Variants in TRAFD1 observed in about 807,000 individuals in gnomAD.
The protein encoded by TRAFD1 is TRAF-type zinc finger domain-containing protein 1.
A neutral mutation model predicts 65.3 loss-of-function variants in TRAFD1; 38 were observed. The observed-to-expected ratio is 0.58, with a 90% CI of 0.45 to 0.76. The LOEUF is 0.76. TRAFD1 is among the 30% of genes least tolerant of loss of function. The probability of loss-of-function intolerance (pLI) is 0.00; values close to 1 mark genes in which losing one functional copy is unlikely to be tolerated. For missense variants in TRAFD1, 631 were observed against 712.6 expected (o/e 0.89, Z 1.30); for synonymous variants, 223 against 257.2 (o/e 0.87, Z 1.27).
At position 112,153,076 on chromosome 12, in the gene TRAFD1, A is replaced by G; in HGVS notation, c.*285A>G. The G allele has an allele frequency of 2.6e-6, 1 of 378,322 alleles. No individual in the cohort carries two copies. The highest frequency in any genetic ancestry group is 4.0e-5 in the South Asian group (1 of 25,142). 23.4% of individuals were successfully genotyped at this position (378,322 alleles called of 1,614,324 possible). On this transcript the variant is annotated 3_prime_UTR_variant, in exon 12 of 12. Coordinates refer to ENST00000412615, the MANE Select transcript of TRAFD1 (RefSeq NM_006700.3). ...GGCTGCCAGGGCTCCCTTTTGACTTATTGTCGCCACTGCCCCTTGGTGCTG... is the reference window on the plus strand; with the variant it reads ...GGCTGCCAGGGCTCCCTTTTGACTTGTTGTCGCCACTGCCCCTTGGTGCTG...
intron 4 of TRAFD1, 43 bp from the exon 5 acceptor site, chr12:112,140,775 CT>C: frequency 1.2e-6 from 2 of 1,603,480 alleles, no homozygotes; most frequent in Non-Finnish European, 1.7e-6. Flanking sequence ...AAACACACCT[CT>C]CCTAGATATG....
chr12:112,139,293 T>A (rs1350518243), intron 4 of TRAFD1, among the ~76,000 whole-genome samples: 1 of 152,022 alleles, frequency 6.6e-6, no homozygotes, highest in Admixed American at 6.6e-5. Flanking sequence ...AAGGCTGCGG[T>A]AAGCCATGAT....
At chr12:112,148,791 T>A (rs1446663293) in intron 8 of TRAFD1, among the ~76,000 whole-genome samples, 1 of 152,234 alleles carries the variant, frequency 6.6e-6, no homozygotes, top group African/African-American at 2.4e-5. Flanking sequence ...AATCTATTAG[T>A]GGAAAATATG....
At chr12:112,127,115 T>C (rs753262532) in intron 1 of TRAFD1, among the ~76,000 whole-genome samples, 23 of 152,180 alleles carry the variant, frequency 1.5e-4, no homozygotes, top group Non-Finnish European at 3.2e-4. Flanking sequence ...GCCTTTACTT[T>C]CTCTTTCATT....
Position 112,152,918 on chromosome 12 carries a change from A to G in TRAFD1, c.*127A>G. The G allele has an allele frequency of 9.1e-7, 1 of 1,097,216 alleles. No homozygotes were observed. Among genetic ancestry groups the G allele is most frequent in the Non-Finnish European group, 1.3e-6 (1 of 768,144 alleles). The allele number at this position is 1,097,216 out of a possible 1,614,324, so 68.0% of individuals were successfully genotyped here. A position where few individuals can be genotyped will look rare whatever the true frequency, so the allele number is the denominator to read the frequency against. ...TCCAGATTTTAGATTTTTCTAGGTTATGGCCATTTTGTGTCTTTTGAGGTT... is the reference window on the plus strand; with the variant it reads ...TCCAGATTTTAGATTTTTCTAGGTTGTGGCCATTTTGTGTCTTTTGAGGTT... On this transcript the variant is annotated 3_prime_UTR_variant, in exon 12 of 12. Coordinates refer to ENST00000412615, the MANE Select transcript of TRAFD1 (RefSeq NM_006700.3). The surrounding 1 kb of genome is among the most constrained non-coding windows in gnomAD (Gnocchi z 5.0).
In TRAFD1 at chr12:112,148,226, C is replaced by T. The variant is rs1417677156; in HGVS notation, c.1080C>T (p.His360=). Residue 360 remains histidine, a synonymous_variant, in exon 8 of 12, where the codon CAC becomes CAT. Transcript: ENST00000412615. The part of the protein sequence containing the change: ...LDSLMGLSNS[H]PVEESIIIPC... ...CTTTGATGGGCCTGAGCAATTCACA[C>T]CCTGTGGAGGAGAGCATCATTATCC... 5.6e-6 allele frequency: 9 copies of T among 1,614,152 alleles called. No individual in the cohort carries two copies. The highest frequency in any genetic ancestry group is 7.6e-6 in the Non-Finnish European group (9 of 1,180,026).
At chr12:112,139,464 C>T (rs914122702) in intron 4 of TRAFD1, among the ~76,000 whole-genome samples, 2 of 151,430 alleles carry the variant, frequency 1.3e-5, no homozygotes, top group African/African-American at 4.9e-5. Context: ...CACTCTGTCA[C>T]CTAGGCTGGA....
At chr12:112,140,538 T>C (rs2030058203) in intron 4 of TRAFD1, among the ~76,000 whole-genome samples, 1 of 152,188 alleles carries the variant, frequency 6.6e-6, no homozygotes. Context: ...CTTCTCTGGC[T>C]GGTTTTAGAT....
In TRAFD1 at chr12:112,130,441, T is replaced by G. The variant is rs2079562185; in HGVS notation, c.-12-70T>G. ...AGTTTCTGTATACTAGTTTTTTATT[T>G]GTTTTTTTGCATGTCATCTTTAAAG... On this transcript the variant is annotated intron_variant, in intron 1 of 11. Transcript: ENST00000412615. This position sits in a 1 kb window ranked among gnomAD's most constrained non-coding sequence, Gnocchi z 4.4. 7.7e-7 allele frequency: 1 copy of G among 1,307,166 alleles called. No homozygotes were observed. The highest frequency in any genetic ancestry group is 1.1e-6 in the Non-Finnish European group (1 of 913,858). 81.0% of individuals were successfully genotyped at this position (1,307,166 alleles called of 1,614,324 possible).
Position 112,130,680 on chromosome 12 carries a change from G to T in TRAFD1, c.47+111G>T. ...GAAGACTGGCACAGTCTTGAGTTAA[G>T]CTTTCTATTTTGGTGTTTATAACCC... On this transcript the variant is annotated intron_variant, in intron 2 of 11. Transcript: ENST00000412615. This position sits in a 1 kb window ranked among gnomAD's most constrained non-coding sequence, Gnocchi z 4.4. 1.1e-6 allele frequency: 1 copy of T among 879,050 alleles called. No individual in the cohort carries two copies. The highest frequency in any genetic ancestry group is 2.6e-5 in the Admixed American group (1 of 38,862). The allele number at this position is 879,050 out of a possible 1,614,324, so 54.5% of individuals were successfully genotyped here.
chr12:112,135,377 A>G (rs958756138), intron 4 of TRAFD1, among the ~76,000 whole-genome samples: 1 of 152,202 alleles, frequency 6.6e-6, no homozygotes, highest in Admixed American at 6.5e-5. Flanking sequence ...CCAGTATGGG[A>G]TAACCTCTTT....
intron 1 of TRAFD1, among the ~76,000 whole-genome samples, chr12:112,128,022 T>A (rs1208385280): frequency 6.7e-6 from 1 of 150,148 alleles, no homozygotes; most frequent in African/African-American, 2.5e-5. Context: ...GTCCTTTTTT[T>A]TTTTATTTTT....
chr12:112,148,550 C>G (rs544889577), intron 8 of TRAFD1, among the ~76,000 whole-genome samples: 8 of 152,292 alleles, frequency 5.3e-5, no homozygotes, highest in Non-Finnish European at 1.0e-4. Flanking sequence ...AGCCAGGACT[C>G]TATTTGAGCA....
intron 4 of TRAFD1, among the ~76,000 whole-genome samples, chr12:112,139,910 A>G (rs1186554959): frequency 1.3e-5 from 2 of 152,106 alleles, no homozygotes; most frequent in African/African-American, 4.8e-5. Flanking sequence ...GCTGAGGCAC[A>G]AGGATTGCTT....
chr12:112,125,953 C>T (rs1280944918), intron 1 of TRAFD1: 1 of 152,214 alleles, frequency 6.6e-6, no homozygotes, highest in Non-Finnish European at 1.5e-5. Flanking sequence ...GCCTAGAGTC[C>T]GAGCCTCGAG....
At position 112,130,771 on chromosome 12, in the gene TRAFD1, A is replaced by G. The variant is rs2079563518; in HGVS notation, c.47+202A>G. The stretch of plus-strand genomic sequence containing the variant: ...GAAACCGGTTGTAAAGTTAATAATC[A>G]GCTGGTTCCTGTTGGGGTTTTCCTA... On this transcript the variant is annotated intron_variant, in intron 2 of 11. Transcript: ENST00000412615. The surrounding 1 kb of genome is among the most constrained non-coding windows in gnomAD (Gnocchi z 4.4). Among the ~76,000 whole-genome samples, 1 of 152,224 alleles carries G rather than the reference A, an allele frequency of 6.6e-6. No homozygotes were observed. Among genetic ancestry groups the G allele is most frequent in the Non-Finnish European group, 1.5e-5 (1 of 68,042 alleles).
rs573847480 is a variant in TRAFD1, at chr12:112,146,808, G to A, written c.927+1146G>A. 1.2e-4 allele frequency among the ~76,000 whole-genome samples: 19 copies of A among 152,198 alleles called. No individual in the cohort carries two copies. The South Asian group carries it at 3.7e-3, about 30-fold the overall frequency. ...TGGTCTTCTGATCTCCTGTTGGTCT[G>A]CACCACTAGGCTGATTTCCCTGAGG... On this transcript the variant is annotated intron_variant, in intron 7 of 11. Transcript: ENST00000412615.
At chr12:112,129,193 ATTTTTT>A (rs56949881) in intron 1 of TRAFD1, among the ~76,000 whole-genome samples, 5 of 81,360 alleles carry the variant, frequency 6.1e-5, no homozygotes, top group Admixed American at 1.5e-4. Context: ...TGGGATGGTG[ATTTTTT>A]TTTTTTTTTT....
Position 112,141,268 on chromosome 12 carries a change from C to T in TRAFD1, c.643+44C>T, listed in dbSNP as rs756033408. The T allele has an allele frequency of 1.9e-6, 3 of 1,593,706 alleles. No individual in the cohort carries two copies. The South Asian group carries it at 3.4e-5, about 18-fold the overall frequency. On this transcript the variant is annotated intron_variant, in intron 5 of 11. Coordinates refer to ENST00000412615, the MANE Select transcript of TRAFD1 (RefSeq NM_006700.3). Reference sequence around the variant, plus strand: ...TAGGGAACTAGAATGGTATCAAAATCCCAAGGCAAATGGGAACAGGGCTTT... The same window carrying T: ...TAGGGAACTAGAATGGTATCAAAATTCCAAGGCAAATGGGAACAGGGCTTT...
Sources: gnomAD v4.1 joint callset for allele counts (sites outside exome capture counted in the v4.1 genomes callset) on GRCh38, gnomAD v4.1.1 for gene constraint, Gnocchi (gnomAD v3.1) non-coding constraint, MANE v1.5 for transcripts, NCBI Gene and HGNC (gene_info 2026-07-23, HGNC 2026-07-21) for gene names.